NELFB: variants seen among roughly 807,000 people sequenced by gnomAD.
NELFB encodes the protein negative elongation factor B.
Under a neutral mutation model 60.2 loss-of-function variants are expected in NELFB, and 34 were observed. The observed-to-expected ratio is 0.56, with a 90% CI of 0.43 to 0.75. The LOEUF is 0.75. Ranked by LOEUF, NELFB falls within the 30% of genes least tolerant of loss-of-function variation. The pLI is 0.00. For missense variants in NELFB, 770 were observed against 831.6 expected (o/e 0.93, Z 0.91); for synonymous variants, 459 against 382.1 (o/e 1.20, Z -2.35).
In NELFB at chr9:137,269,852, G is replaced by A. The variant is rs1830561590; in HGVS notation, c.1490-2229G>A. Reference sequence around the variant, plus strand: ...AGGAGTGCAGCTTCTCGGAGTACGTGGCTGCCCCACGGGGTGGGATGTGCA... The same window carrying A: ...AGGAGTGCAGCTTCTCGGAGTACGTAGCTGCCCCACGGGGTGGGATGTGCA... On this transcript the variant is annotated intron_variant, in intron 10 of 12. Transcript: ENST00000343053. This position sits in a 1 kb window ranked among gnomAD's most constrained non-coding sequence, Gnocchi z 5.3. 6.6e-6 allele frequency among the ~76,000 whole-genome samples: 1 copy of A among 152,242 alleles called. No individual in the cohort carries two copies.
intron 4 of NELFB, among the ~76,000 whole-genome samples, chr9:137,261,657 C>CAAAAA (rs56873736): frequency 7.1e-6 from 1 of 140,204 alleles, no homozygotes. Flanking sequence ...GACTCCGTCT[C>CAAAAA]AAAAAAAAAA....
intron 7 of NELFB, 73 bp downstream of exon 7, chr9:137,266,052 G>T: frequency 8.3e-7 from 1 of 1,208,134 alleles, no homozygotes; most frequent in Non-Finnish European, 1.2e-6. Context: ...TGGTCAGGGT[G>T]TGGACAGCAG....
At chr9:137,259,869 C>T (rs1308685595) in intron 4 of NELFB, among the ~76,000 whole-genome samples, 167 of 144,744 alleles carry the variant, frequency 1.2e-3, no homozygotes, top group Non-Finnish European at 2.3e-3. Flanking sequence ...GGACTACAGG[C>T]GCCTGCCACC....
At chr9:137,260,042 T>A (rs900968274) in intron 4 of NELFB, among the ~76,000 whole-genome samples, 59 of 148,748 alleles carry the variant, frequency 4.0e-4, no homozygotes, top group Non-Finnish European at 2.5e-4. Flanking sequence ...TTTTTATTTT[T>A]ATTTATTTTA....
At chr9:137,256,787 C>T (rs1309524302) in intron 3 of NELFB, 37 bp from the exon 4 acceptor site, 1 of 1,599,242 alleles carries the variant, frequency 6.3e-7, no homozygotes. Context: ...CCCAGGGACA[C>T]AGGTGCCACT....
Position 137,266,944 on chromosome 9 carries a change from G to A in NELFB, c.1240G>A (p.Glu414Lys). The A allele has an allele frequency of 6.2e-7, 1 of 1,613,284 alleles. No individual in the cohort carries two copies. Among genetic ancestry groups the A allele is most frequent in the Non-Finnish European group, 8.5e-7 (1 of 1,179,924 alleles). The change falls in exon 9 of 13, where the codon GAG becomes AAG. Residue 414 changes from glutamate to lysine, a missense_variant and splice_region_variant. By Grantham distance (56) the Glu-to-Lys change is moderately conservative. Transcript: ENST00000343053. Reference sequence around the variant, plus strand: ...CGCTCATGGCCTCCCCTCCTCGTAGGAGGTAGAGCTCATCACCAGGTTCCT... The same window carrying A: ...CGCTCATGGCCTCCCCTCCTCGTAGAAGGTAGAGCTCATCACCAGGTTCCT...
intron 1 of NELFB, 52 bp downstream of exon 1, chr9:137,255,663 G>A: frequency 6.6e-7 from 1 of 1,509,194 alleles, no homozygotes; most frequent in Non-Finnish European, 8.9e-7. Context: ...CGGGCCGCCT[G>A]CTCGGGAGTC....
intron 10 of NELFB, among the ~76,000 whole-genome samples, chr9:137,270,050 C>A (rs146843111): frequency 6.6e-6 from 1 of 152,310 alleles, no homozygotes; most frequent in Non-Finnish European, 1.5e-5. Flanking sequence ...CCAGCACCAT[C>A]TCCAACCTCC....
chr9:137,260,213 C>T (rs1830416495), intron 4 of NELFB, among the ~76,000 whole-genome samples: 1 of 148,524 alleles, frequency 6.7e-6, no homozygotes, highest in Non-Finnish European at 1.5e-5. Context: ...CCACGCCCAG[C>T]TATGTTTTTT....
intron 1 of NELFB, 81 bp from the exon 2 acceptor site, chr9:137,255,826 T>C (rs1278355337): frequency 2.6e-6 from 4 of 1,566,820 alleles, no homozygotes; most frequent in African/African-American, 1.3e-5. Flanking sequence ...AACACCTGGG[T>C]GCGTGCCTCC....
intron 3 of NELFB, 128 bp downstream of exon 3, chr9:137,256,556 G>C: frequency 1.2e-6 from 1 of 845,282 alleles, no homozygotes; most frequent in Non-Finnish European, 1.9e-6. Context: ...TGCTGTCCAT[G>C]GTGAGCTCTG....
chr9:137,263,304 C>A, intron 5 of NELFB, 82 bp downstream of exon 5: 1 of 1,305,502 alleles, frequency 7.7e-7, no homozygotes, highest in East Asian at 2.6e-5. Context: ...CACTCCCCGG[C>A]CCTCCCTCCT....
Position 137,273,121 on chromosome 9 carries a change from G to A in NELFB, c.*193G>A, listed in dbSNP as rs1360564873. The A allele has an allele frequency of 1.1e-5, 6 of 548,284 alleles. No individual in the cohort carries two copies. In the Admixed American group the frequency reaches 1.8e-4, roughly 17 times the overall value. The allele number at this position is 548,284 out of a possible 1,614,324, so 34.0% of individuals were successfully genotyped here. On this transcript the variant is annotated 3_prime_UTR_variant, in exon 13 of 13. Transcript: ENST00000343053. ...CCGGACCTTGCCCACCATCCATGCA[G>A]TGGCTCCCAGGGCAGAGCCTCTCCT...
In NELFB at chr9:137,264,615, G is replaced by A. The variant is rs368113523; in HGVS notation, c.1040+258G>A. 1.2e-3 allele frequency among the ~76,000 whole-genome samples: 186 copies of A among 152,236 alleles called. 1 individual carries two copies. Among genetic ancestry groups the A allele is most frequent in the Middle Eastern group, 6.8e-3 (2 of 294 alleles). On this transcript the variant is annotated intron_variant, in intron 6 of 12. Transcript: ENST00000343053. Reference sequence around the variant, plus strand: ...CAAGTAGCTGGGATTACAGGCACGCGCCACTGCGCTCAGGTAATTTTTGTA... The same window carrying A: ...CAAGTAGCTGGGATTACAGGCACGCACCACTGCGCTCAGGTAATTTTTGTA...
At chr9:137,258,876 A>G (rs887435660) in intron 4 of NELFB, among the ~76,000 whole-genome samples, 6 of 152,228 alleles carry the variant, frequency 3.9e-5, no homozygotes, top group Admixed American at 3.3e-4. Context: ...TTGGTCCAGT[A>G]TATCCAAAAT....
At chr9:137,268,949 G>A (rs533228763) in intron 10 of NELFB, among the ~76,000 whole-genome samples, 2 of 152,146 alleles carry the variant, frequency 1.3e-5, no homozygotes, top group Admixed American at 6.5e-5. Context: ...GACAGAGAAG[G>A]GGCCACACTT....
chr9:137,270,995 G>A (rs537137100), intron 10 of NELFB, among the ~76,000 whole-genome samples: 2 of 152,258 alleles, frequency 1.3e-5, no homozygotes, highest in African/African-American at 2.4e-5. Flanking sequence ...CTCCTCTGCC[G>A]ACTGACTGCC....
Position 137,265,387 on chromosome 9 carries a change from C to T in NELFB, c.1041-490C>T, listed in dbSNP as rs866842524. ...TTAAGGACAAATTGCAAACCTTAAG[C>T]TTTTTTTTTTTTTTTTTTTGAGACA... On this transcript the variant is annotated intron_variant, in intron 6 of 12. Transcript: ENST00000343053. 5.6e-4 allele frequency among the ~76,000 whole-genome samples: 51 copies of T among 91,832 alleles called. 3 individuals are homozygous for T. The highest frequency in any genetic ancestry group is 1.2e-3 in the Admixed American group (7 of 5,930). 60.2% of individuals were successfully genotyped at this position (91,832 alleles called of 152,430 possible). A position where few individuals can be genotyped will look rare whatever the true frequency, so the allele number is the denominator to read the frequency against.
At chr9:137,259,209 T>C (rs918792593) in intron 4 of NELFB, among the ~76,000 whole-genome samples, 1 of 151,570 alleles carries the variant, frequency 6.6e-6, no homozygotes, top group African/African-American at 2.4e-5. Context: ...AAAAAAAAAA[T>C]ATTGAGCTAT....
Sources: allele counts gnomAD v4.1 joint callset (sites outside exome capture counted in the v4.1 genomes callset), GRCh38; gene constraint gnomAD v4.1.1; non-coding constraint Gnocchi (gnomAD v3.1); transcripts MANE v1.5; gene names NCBI Gene and HGNC (gene_info 2026-07-23, HGNC 2026-07-21).